Variants in IMMP2L observed in about 807,000 individuals in gnomAD.
IMMP2L encodes the protein inner mitochondrial membrane peptidase subunit 2, also known as mitochondrial inner membrane protease subunit 2.
IMMP2L carries 18 observed loss-of-function variants against 19.3 expected under a neutral mutation model. The ratio of observed to expected loss-of-function variants is 0.93; its 90% CI spans 0.64 to 1.38. IMMP2L has a LOEUF of 1.38. Ranked by LOEUF, IMMP2L falls within the 40% of genes most tolerant of loss-of-function variation. The probability of loss-of-function intolerance (pLI) is 0.00; values close to 1 mark genes in which losing one functional copy is unlikely to be tolerated. For synonymous variants in IMMP2L, 76 were observed against 73.0 expected (o/e 1.04, Z -0.21); for missense variants, 233 against 218.2 (o/e 1.07, Z -0.43).
At chr7:111,387,672 T>A (rs144870673) in intron 3 of IMMP2L, among the ~76,000 whole-genome samples, 20 of 151,854 alleles carry the variant, frequency 1.3e-4, no homozygotes, top group Non-Finnish European at 1.8e-4. Context: ...AGAATAATAA[T>A]TTTTTTTACA....
intron 3 of IMMP2L, among the ~76,000 whole-genome samples, chr7:110,986,813 T>A (rs994800330): frequency 2.7e-5 from 4 of 148,826 alleles, no homozygotes; most frequent in Non-Finnish European, 5.9e-5. Context: ...ATATATCTTC[T>A]TAGTTAGTAA....
chr7:111,052,001 A>G (rs766319706), intron 3 of IMMP2L, among the ~76,000 whole-genome samples: 1 of 152,240 alleles, frequency 6.6e-6, no homozygotes, highest in Non-Finnish European at 1.5e-5. Flanking sequence ...GAGTTTAGGC[A>G]CAAATGACCA....
intron 5 of IMMP2L, among the ~76,000 whole-genome samples, chr7:110,830,879 C>T (rs1563006874): frequency 6.6e-6 from 1 of 152,168 alleles, no homozygotes; most frequent in Non-Finnish European, 1.5e-5. Context: ...AGTATATGTA[C>T]AATCACCACA....
chr7:110,662,989 A>AGAT lies in IMMP2L; in HGVS notation c.*610_*612dup, dbSNP rs1791187606. 1 of 152,428 alleles carries AGAT rather than the reference A, an allele frequency of 6.6e-6. No homozygotes were observed. The highest frequency in any genetic ancestry group is 2.4e-5 in the African/African-American group (1 of 41,458). 9.4% of individuals were successfully genotyped at this position (152,428 alleles called of 1,614,324 possible). A position where few individuals can be genotyped will look rare whatever the true frequency, so the allele number is the denominator to read the frequency against. On this transcript the variant is annotated 3_prime_UTR_variant, in exon 6 of 6. Coordinates refer to ENST00000405709, the MANE Select transcript of IMMP2L (RefSeq NM_032549.4). The stretch of plus-strand genomic sequence containing the variant: ...TACTTTGATTCCTTATTTTCAGAAG[A>AGAT]GATAAGAAATTCCTCATTAATGGAT...
At chr7:110,950,861 T>TATATAC (rs1472891632) in intron 4 of IMMP2L, among the ~76,000 whole-genome samples, 2 of 144,246 alleles carry the variant, frequency 1.4e-5, no homozygotes, top group Non-Finnish European at 3.0e-5. Flanking sequence ...TATATATATA[T>TATATAC]ATATATATAT....
At chr7:110,714,500 T>C (rs1330285887) in intron 5 of IMMP2L, among the ~76,000 whole-genome samples, 1 of 152,186 alleles carries the variant, frequency 6.6e-6, no homozygotes, top group Non-Finnish European at 1.5e-5. Flanking sequence ...TCAACTTCCT[T>C]TTTTTAATAG....
At chr7:111,539,383 A>C (rs931629815) in intron 1 of IMMP2L, among the ~76,000 whole-genome samples, 2 of 152,202 alleles carry the variant, frequency 1.3e-5, no homozygotes, top group Non-Finnish European at 2.9e-5. Flanking sequence ...AAAAGCAGTA[A>C]AGATGGATAA....
At chr7:111,111,886 A>T (rs1799249037) in intron 3 of IMMP2L, among the ~76,000 whole-genome samples, 1 of 150,338 alleles carries the variant, frequency 6.7e-6, no homozygotes, top group African/African-American at 2.4e-5. Context: ...GGTGACAGGA[A>T]AAAGGAAATG....
chr7:111,110,612 A>G (rs987743149), intron 3 of IMMP2L, among the ~76,000 whole-genome samples: 4 of 152,318 alleles, frequency 2.6e-5, no homozygotes, highest in South Asian at 4.1e-4. Flanking sequence ...ATATAAAAAC[A>G]TAAGTATAAA....
chr7:111,224,630 A>C (rs780282218), intron 3 of IMMP2L, among the ~76,000 whole-genome samples: 1 of 152,148 alleles, frequency 6.6e-6, no homozygotes, highest in African/African-American at 2.4e-5. Context: ...AGTGGCTCTT[A>C]AAGTGAACTC....
intron 3 of IMMP2L, among the ~76,000 whole-genome samples, chr7:111,277,208 T>G (rs1819167875): frequency 6.6e-6 from 1 of 151,852 alleles, no homozygotes; most frequent in South Asian, 2.1e-4. Flanking sequence ...TATTTGCATT[T>G]GACAAAGGGC....
chr7:111,066,469 T>C (rs1396631167), intron 3 of IMMP2L, among the ~76,000 whole-genome samples: 1 of 152,044 alleles, frequency 6.6e-6, no homozygotes, highest in Non-Finnish European at 1.5e-5. Context: ...GTGAAGGAAA[T>C]AGGAGATGGA....
intron 3 of IMMP2L, among the ~76,000 whole-genome samples, chr7:111,102,015 T>C (rs1186920537): frequency 1.3e-5 from 2 of 151,102 alleles, no homozygotes; most frequent in South Asian, 2.1e-4. Context: ...GGAACTCAAA[T>C]GAGGGCCATG....
chr7:110,737,470 A>G (rs945147345), intron 5 of IMMP2L, among the ~76,000 whole-genome samples: 1 of 152,168 alleles, frequency 6.6e-6, no homozygotes, highest in Non-Finnish European at 1.5e-5. Context: ...ATATAACTGC[A>G]TTGGACTGGG....
chr7:110,700,747 T>G (rs1794225444), intron 5 of IMMP2L, among the ~76,000 whole-genome samples: 1 of 152,232 alleles, frequency 6.6e-6, no homozygotes, highest in African/African-American at 2.4e-5. Flanking sequence ...TTTGCCTTTC[T>G]TATACATTTC....
intron 3 of IMMP2L, among the ~76,000 whole-genome samples, chr7:111,089,665 T>C (rs982291594): frequency 2.3e-4 from 35 of 152,078 alleles, no homozygotes; most frequent in African/African-American, 7.5e-4. Context: ...GAGTAAATAC[T>C]AGAGTATCCA....
chr7:111,137,486 T>C (rs1189680101), intron 3 of IMMP2L, among the ~76,000 whole-genome samples: 1 of 152,172 alleles, frequency 6.6e-6, no homozygotes, highest in African/African-American at 2.4e-5. Context: ...AGTAAGATCA[T>C]TTTTTTCTAT....
chr7:110,695,049 G>A lies in IMMP2L; in HGVS notation c.409-31328C>T, dbSNP rs894020761. 2.6e-5 allele frequency among the ~76,000 whole-genome samples: 4 copies of A among 151,448 alleles called. No individual in the cohort carries two copies. The South Asian group carries it at 8.3e-4, about 31-fold the overall frequency. On this transcript the variant is annotated intron_variant, in intron 5 of 5. Transcript: ENST00000405709. ...ATAGAATGTACATTGGTCATTGCCA[G>A]GGGGTGTGAGGATAGGGAAATGGGG... is the stretch of plus-strand genomic sequence containing the variant.
chr7:110,950,333 T>C (rs1817664625), intron 4 of IMMP2L, among the ~76,000 whole-genome samples: 1 of 152,168 alleles, frequency 6.6e-6, no homozygotes, highest in Admixed American at 6.5e-5. Flanking sequence ...TATGTTTCTA[T>C]GCCAGTACCA....
Sources: allele counts gnomAD v4.1 joint callset (sites outside exome capture counted in the v4.1 genomes callset), GRCh38; gene constraint gnomAD v4.1.1; transcripts MANE v1.5; gene names NCBI Gene and HGNC (gene_info 2026-07-23, HGNC 2026-07-21).